ZNF141: variants seen among roughly 807,000 people sequenced by gnomAD.
ZNF141 encodes the protein zinc finger protein 141, also known as zinc finger protein 141 (clone pHZ-44).
A neutral mutation model predicts 11.3 loss-of-function variants in ZNF141; 7 were observed. The ratio of observed to expected loss-of-function variants is 0.62; its 90% confidence interval spans 0.35 to 1.16. The LOEUF is 1.16. ZNF141 is among the 50% of genes most tolerant of loss of function. The pLI, the probability that ZNF141 is intolerant of heterozygous loss-of-function variation, is 0.02. For missense variants in ZNF141, 535 were observed against 554.0 expected (o/e 0.97, Z 0.34); for synonymous variants, 183 against 190.7 (o/e 0.96, Z 0.33).
intron 3 of ZNF141, among the ~76,000 whole-genome samples, chr4:366,333 A>G (rs1333633825): frequency 6.6e-6 from 1 of 152,140 alleles, no homozygotes; most frequent in African/African-American, 2.4e-5. Context: ...TTTTGAGACA[A>G]AGTCTCACCC....
At chr4:345,506 A>G (rs575558519) in intron 3 of ZNF141, among the ~76,000 whole-genome samples, 13 of 152,218 alleles carry the variant, frequency 8.5e-5, no homozygotes, top group Admixed American at 7.9e-4. Flanking sequence ...ATGAGCTCGG[A>G]TCATCTGAGA....
chr4:378,158 G>A lies in ZNF141; in HGVS notation c.*4296G>A, dbSNP rs1367016243. ...GCAGCCTGCCAACAGAGTAAGACCC[G>A]TCTCAACAACAACAACAAAAAAGAA... On this transcript the variant is annotated 3_prime_UTR_variant, in exon 4 of 4. Transcript: ENST00000240499. The A allele has an allele frequency of 1.3e-5, 2 of 152,026 alleles. No homozygotes were observed. Among genetic ancestry groups the A allele is most frequent in the Non-Finnish European group, 2.9e-5 (2 of 68,014 alleles). 9.4% of individuals were successfully genotyped at this position (152,026 alleles called of 1,614,324 possible).
chr4:374,076 T>C lies in ZNF141; in HGVS notation c.*214T>C. 1 of 581,856 alleles carries C rather than the reference T, an allele frequency of 1.7e-6. No homozygotes were observed. The allele number at this position is 581,856 out of a possible 1,614,324, so 36.0% of individuals were successfully genotyped here. A position where few individuals can be genotyped will look rare whatever the true frequency, so the allele number is the denominator to read the frequency against. ...AGAATATGGCAAAGCCTGTGAATGG[T>C]CCACAAACCTGAATGAGCAGAAGAA... On this transcript the variant is annotated 3_prime_UTR_variant, in exon 4 of 4. Transcript: ENST00000240499.
At position 373,023 on chromosome 4, in the gene ZNF141, G is replaced by A; in HGVS notation, c.586G>A (p.Glu196Lys). 1 of 1,614,022 alleles carries A rather than the reference G, an allele frequency of 6.2e-7. No homozygotes were observed. The highest frequency in any genetic ancestry group is 8.5e-7 in the Non-Finnish European group (1 of 1,179,982). The change falls in exon 4 of 4, where the codon GAG becomes AAG. Residue 196 changes from glutamate to lysine, a missense_variant. By Grantham distance (56) the Glu-to-Lys change is moderately conservative. Transcript: ENST00000240499. ...LTQHKVIHAG[E>K]KPYTCEECGK... ...TCAACATAAGGTAATTCATGCTGGA[G>A]AGAAACCCTACACTTGTGAAGAATG...
Position 373,879 on chromosome 4 carries a change from G to A in ZNF141, c.*17G>A, listed in dbSNP as rs1553854173. ...CATACTTGAGAGAAATCCTACAAAT[G>A]TAAAGAATGTGGCAAACCTTTGGAT... On this transcript the variant is annotated 3_prime_UTR_variant, in exon 4 of 4. Transcript: ENST00000240499. 2 of 1,582,542 alleles carry A rather than the reference G, an allele frequency of 1.3e-6. No individual in the cohort carries two copies. The highest frequency in any genetic ancestry group is 8.6e-7 in the Non-Finnish European group (1 of 1,161,488).
intron 3 of ZNF141, among the ~76,000 whole-genome samples, chr4:367,470 A>T (rs1711801765): frequency 6.6e-6 from 1 of 151,972 alleles, no homozygotes; most frequent in African/African-American, 2.4e-5. Flanking sequence ...TCTGTATCTC[A>T]GATTTTAGAT....
In ZNF141 at chr4:346,893, A is replaced by ACCC. The variant is rs781896435; in HGVS notation, c.226+2465_226+2466insCCC. Among the ~76,000 whole-genome samples, 830 of 135,200 alleles carry ACCC rather than the reference A, an allele frequency of 6.1e-3. 49 individuals carry two copies. The highest frequency in any genetic ancestry group is 0.023 in the African/African-American group (716 of 31,156). 88.7% of individuals were successfully genotyped at this position (135,200 alleles called of 152,430 possible). On this transcript the variant is annotated intron_variant, in intron 3 of 3. Coordinates refer to ENST00000240499, the MANE Select transcript of ZNF141 (RefSeq NM_003441.4). ...TATATATGTATACACACACACACACACCGCCCCCCCCATATATTGGCTACT... is the reference window on the plus strand; with the variant it reads ...TATATATGTATACACACACACACACACCCCCGCCCCCCCCATATATTGGCTACT...
At chr4:370,553 T>G (rs1712004547) in intron 3 of ZNF141, among the ~76,000 whole-genome samples, 1 of 152,212 alleles carries the variant, frequency 6.6e-6, no homozygotes, top group Non-Finnish European at 1.5e-5. Flanking sequence ...CAACTTTCTC[T>G]TGTCTGAAAA....
intron 1 of ZNF141, chr4:343,091 A>G: frequency 1.9e-6 from 1 of 536,030 alleles, no homozygotes; most frequent in Non-Finnish European, 3.2e-6. Flanking sequence ...TTGCATGATT[A>G]AAAAAGTCCT....
chr4:345,795 C>CA (rs1389964119), intron 3 of ZNF141, among the ~76,000 whole-genome samples: 1 of 146,450 alleles, frequency 6.8e-6, no homozygotes, highest in African/African-American at 2.5e-5. Flanking sequence ...AGAAGATAAG[C>CA]AAAAAAAGTC....
chr4:380,297 A>T lies in ZNF141; in HGVS notation c.*6435A>T, dbSNP rs1712552776. 6.6e-6 allele frequency among the ~76,000 whole-genome samples: 1 copy of T among 152,238 alleles called. No homozygotes were observed. On this transcript the variant is annotated 3_prime_UTR_variant, in exon 4 of 4. Transcript: ENST00000240499. ...AAGCATGTATTGGAATTCCGTATAT[A>T]CATGTTTTAGTAATAGTTGATTTCT...
rs1712592100 is a variant in ZNF141 at position 381,054 on chromosome 4, T to C, written c.*7192T>C. ...GCAATTCAGAATATTTATAGCATAATTTTTACCTATACCTGTAGTCAGTAA... is the reference window on the plus strand; with the variant it reads ...GCAATTCAGAATATTTATAGCATAACTTTTACCTATACCTGTAGTCAGTAA... On this transcript the variant is annotated 3_prime_UTR_variant, in exon 4 of 4. Transcript: ENST00000240499. 6.6e-6 allele frequency among the ~76,000 whole-genome samples: 1 copy of C among 152,184 alleles called. No homozygotes were observed. The highest frequency in any genetic ancestry group is 6.5e-5 in the Admixed American group (1 of 15,280).
At chr4:348,677 C>G (rs1721452203) in intron 3 of ZNF141, among the ~76,000 whole-genome samples, 1 of 150,320 alleles carries the variant, frequency 6.7e-6, no homozygotes, top group African/African-American at 2.5e-5. Context: ...ATCACTGAAC[C>G]TAGATTGTGC....
chr4:359,667 C>CAGGG (rs1162783988), intron 3 of ZNF141, among the ~76,000 whole-genome samples: 61 of 152,298 alleles, frequency 4.0e-4, no homozygotes, highest in African/African-American at 1.5e-3. Context: ...AGCATGCCTA[C>CAGGG]AGGGACACAT....
rs1219749486 is a variant in ZNF141, at chr4:337,973, G to C, written c.-11G>C. 14 of 1,613,208 alleles carry C rather than the reference G, an allele frequency of 8.7e-6. No individual in the cohort carries two copies. In the African/African-American group the frequency reaches 1.2e-4, roughly 14 times the overall value. On this transcript the variant is annotated 5_prime_UTR_variant, in exon 1 of 4. Transcript: ENST00000240499. ...GTAGCTAAGACTCCCGAATACTTCA[G>C]AAGTGGGGAAATGGTGAGTGTGCGG...
chr4:343,384 G>A (rs1258814704), intron 1 of ZNF141, among the ~76,000 whole-genome samples: 3 of 152,174 alleles, frequency 2.0e-5, no homozygotes, highest in Non-Finnish European at 4.4e-5. Context: ...TCAGTCACAT[G>A]TCAGAACTAG....
At chr4:341,850 A>G (rs1721066413) in intron 1 of ZNF141, among the ~76,000 whole-genome samples, 1 of 152,206 alleles carries the variant, frequency 6.6e-6, no homozygotes, top group Non-Finnish European at 1.5e-5. Context: ...GGGAAAAGCT[A>G]TATACTTTGG....
intron 3 of ZNF141, among the ~76,000 whole-genome samples, chr4:367,775 A>C (rs1227280213): frequency 6.6e-6 from 1 of 152,122 alleles, no homozygotes; most frequent in African/African-American, 2.4e-5. Flanking sequence ...ACGGCCTCCC[A>C]ACATGCTGAG....
intron 1 of ZNF141, among the ~76,000 whole-genome samples, chr4:342,417 C>T (rs922070523): frequency 4.6e-5 from 7 of 152,114 alleles, no homozygotes; most frequent in Non-Finnish European, 1.0e-4. Flanking sequence ...GTTGTGATAA[C>T]GGTGTTGGGG....
Sources: allele counts gnomAD v4.1 joint callset (sites outside exome capture counted in the v4.1 genomes callset), GRCh38; gene constraint gnomAD v4.1.1; transcripts MANE v1.5; gene names NCBI Gene and HGNC (gene_info 2026-07-23, HGNC 2026-07-21).